FOXP1: variants seen among roughly 807,000 people sequenced by gnomAD.
FOXP1 encodes forkhead box protein P1.
FOXP1 carries 15 observed loss-of-function variants against 98.2 expected under a neutral mutation model. The observed-to-expected ratio is 0.15, with a 90% CI of 0.10 to 0.24. The LOEUF (loss-of-function observed/expected upper bound fraction) is 0.24, where lower values mean the gene tolerates loss of function less well. Among genes scored for constraint, FOXP1 ranks in the 10% least tolerant of loss-of-function variants. The pLI is 1.00. For missense variants in FOXP1, 633 were observed against 848.5 expected, an observed-to-expected ratio of 0.75 and a Z score of 3.15; for synonymous variants, 371 against 314.5, an observed-to-expected ratio of 1.18 and a Z score of -1.90.
chr3:71,488,749 G>A (rs2090847429), intron 3 of FOXP1, among the ~76,000 whole-genome samples: 1 of 152,314 alleles, frequency 6.6e-6, no homozygotes, highest in South Asian at 2.1e-4. Context: ...GAGCCCGAGT[G>A]ATACAATCTG....
intron 7 of FOXP1, among the ~76,000 whole-genome samples, chr3:71,097,941 A>G (rs2056615699): frequency 6.6e-6 from 1 of 152,090 alleles, no homozygotes; most frequent in Non-Finnish European, 1.5e-5. Context: ...ATTTGAAGCT[A>G]TTTTTTCCAG....
At position 71,194,686 on chromosome 3, in the gene FOXP1, A is replaced by G. The variant is rs192629116; in HGVS notation, c.180+3516T>C. 1.2e-4 allele frequency among the ~76,000 whole-genome samples: 18 copies of G among 152,346 alleles called. No homozygotes were observed. The East Asian group carries it at 2.9e-3, about 24-fold the overall frequency. On this transcript the variant is annotated intron_variant, in intron 6 of 20. Transcript: ENST00000649528. ...CAATACAACTTTTACAGACATAGAA[A>G]TGGTGCAGGGATAATAGGAAATAAA...
intron 6 of FOXP1, among the ~76,000 whole-genome samples, chr3:71,124,414 C>G (rs2107845465): frequency 6.6e-6 from 1 of 151,388 alleles, no homozygotes; most frequent in East Asian, 1.9e-4. Flanking sequence ...ATAAAAACAC[C>G]ACAATTGTTT....
At chr3:71,243,487 T>G (rs1434474356) in intron 5 of FOXP1, among the ~76,000 whole-genome samples, 4 of 152,186 alleles carry the variant, frequency 2.6e-5, no homozygotes, top group Non-Finnish European at 2.9e-5. Flanking sequence ...AACCCGAGAT[T>G]GCATTTGGAC....
chr3:71,276,798 T>C (rs1302759986), intron 5 of FOXP1, among the ~76,000 whole-genome samples: 1 of 152,072 alleles, frequency 6.6e-6, no homozygotes, highest in East Asian at 1.9e-4. Flanking sequence ...ACTAATTATG[T>C]ATTGCTGTTA....
At chr3:71,204,861 C>T (rs2063917953) in intron 5 of FOXP1, among the ~76,000 whole-genome samples, 2 of 152,130 alleles carry the variant, frequency 1.3e-5, no homozygotes, top group South Asian at 4.1e-4. Context: ...TATGAATGAA[C>T]CCTACAGACA....
In FOXP1 at chr3:71,198,443, AG is replaced by A. The variant is rs1410948781; in HGVS notation, c.-11-52del. The A allele has an allele frequency of 1.8e-4, 240 of 1,311,226 alleles. 4 individuals are homozygous for A. The highest frequency in any genetic ancestry group is 1.1e-3 in the South Asian group (95 of 84,838). The allele number at this position is 1,311,226 out of a possible 1,614,324, so 81.2% of individuals were successfully genotyped here. ...GGGAGGGAGGGGGGGAGAAAAAAAA[AG>A]CAGCTGTTAAAGCAGTTGTTGTGCA... On this transcript the variant is annotated intron_variant, in intron 5 of 20. Coordinates refer to ENST00000649528, the MANE Select transcript of FOXP1 (RefSeq NM_001349338.3).
chr3:71,471,193 C>A lies in FOXP1; in HGVS notation c.-168+22233G>T, dbSNP rs191758167. Among the ~76,000 whole-genome samples the A allele has an allele frequency of 6.7e-4, 102 of 151,896 alleles. No individual in the cohort carries two copies. The Middle Eastern group carries it at 0.017, about 25-fold the overall frequency. ...GTCTGTGCTCTTATGAGGTTTACAC[C>A]CCAAAGGGGAAAAGTTTACATTGAA... On this transcript the variant is annotated intron_variant, in intron 3 of 20. Transcript: ENST00000649528.
At chr3:71,274,118 G>T (rs986747036) in intron 5 of FOXP1, among the ~76,000 whole-genome samples, 1 of 152,164 alleles carries the variant, frequency 6.6e-6, no homozygotes, top group African/African-American at 2.4e-5. Flanking sequence ...CATCAAAAAG[G>T]ACTTCCATAC....
chr3:71,547,602 A>T (rs977151346), intron 2 of FOXP1, among the ~76,000 whole-genome samples: 1 of 152,190 alleles, frequency 6.6e-6, no homozygotes, highest in Admixed American at 6.5e-5. Flanking sequence ...CTTCTATGAC[A>T]TTAGAAGGCA....
chr3:71,153,966 C>A (rs974941666), intron 6 of FOXP1, among the ~76,000 whole-genome samples: 4 of 152,090 alleles, frequency 2.6e-5, no homozygotes, highest in African/African-American at 9.7e-5. Context: ...TGATTATGTA[C>A]AATTGACACA....
At chr3:71,337,603 A>G (rs1220681310) in intron 4 of FOXP1, among the ~76,000 whole-genome samples, 1 of 152,234 alleles carries the variant, frequency 6.6e-6, no homozygotes, top group African/African-American at 2.4e-5. Flanking sequence ...TGAAGTAATA[A>G]CAAAGGGCAT....
At chr3:71,470,879 T>A (rs1318435841) in intron 3 of FOXP1, among the ~76,000 whole-genome samples, 1 of 152,192 alleles carries the variant, frequency 6.6e-6, no homozygotes, top group South Asian at 2.1e-4. Context: ...CAGACAGAAC[T>A]GGATTTGAAT....
chr3:71,019,663 C>G (rs1240907167), intron 11 of FOXP1, among the ~76,000 whole-genome samples: 1 of 151,958 alleles, frequency 6.6e-6, no homozygotes, highest in African/African-American at 2.4e-5. Context: ...AACCCTGTCT[C>G]TACTAAAAAA....
At chr3:71,124,147 A>AAAAG (rs2058987910) in intron 6 of FOXP1, among the ~76,000 whole-genome samples, 1 of 151,970 alleles carries the variant, frequency 6.6e-6, no homozygotes, top group Admixed American at 6.6e-5. Context: ...TTTTTTAAAA[A>AAAAG]AAAAATGATA....
intron 11 of FOXP1, among the ~76,000 whole-genome samples, chr3:71,019,989 T>TA (rs2045188503): frequency 6.6e-6 from 1 of 152,320 alleles, no homozygotes; most frequent in African/African-American, 2.4e-5. Flanking sequence ...TTGGCCTTTT[T>TA]AAAAATGTCT....
At chr3:71,269,999 G>C (rs575137671) in intron 5 of FOXP1, among the ~76,000 whole-genome samples, 1 of 152,318 alleles carries the variant, frequency 6.6e-6, no homozygotes, top group South Asian at 2.1e-4. Context: ...ACCTAGCAAA[G>C]TCTGAGTTTC....
intron 18 of FOXP1, 194 bp from the exon 19 acceptor site, chr3:70,970,999 C>T: frequency 1.7e-6 from 1 of 592,992 alleles, no homozygotes. Context: ...TGGGGTTGGA[C>T]TTCTCTATTC....
At chr3:71,355,577 G>T (rs2078096556) in intron 4 of FOXP1, among the ~76,000 whole-genome samples, 1 of 152,068 alleles carries the variant, frequency 6.6e-6, no homozygotes, top group Non-Finnish European at 1.5e-5. Context: ...AAGAGTAATG[G>T]GGTTTAAATA....
Sources: gnomAD v4.1 joint callset for allele counts (sites outside exome capture counted in the v4.1 genomes callset) on GRCh38, gnomAD v4.1.1 for gene constraint, MANE v1.5 for transcripts, NCBI Gene and HGNC (gene_info 2026-07-23, HGNC 2026-07-21) for gene names.